The following ANKRD33B variants were observed in gnomAD, a reference collection of about 807,000 sequenced individuals.
The protein encoded by ANKRD33B is ankyrin repeat domain-containing protein 33B.
A neutral mutation model predicts 21.5 loss-of-function variants in ANKRD33B; 6 were observed. The observed-to-expected ratio is 0.28, with a 90% CI of 0.15 to 0.55. ANKRD33B has a LOEUF of 0.55. Among genes scored for constraint, ANKRD33B ranks in the 20% least tolerant of loss-of-function variants. The pLI is 0.94. For missense variants in ANKRD33B, 698 were observed against 747.2 expected (o/e 0.93, Z 0.77); for synonymous variants, 347 against 342.4 (o/e 1.01, Z -0.15).
intron 1 of ANKRD33B, among the ~76,000 whole-genome samples, chr5:10,593,046 C>G (rs1735730563): frequency 1.3e-5 from 2 of 152,150 alleles, no homozygotes; most frequent in South Asian, 4.1e-4. Context: ...TCCCACCACC[C>G]CGTATCCACC....
chr5:10,576,304 A>G lies in ANKRD33B; in HGVS notation c.366+11471A>G, dbSNP rs1209830670. Among the ~76,000 whole-genome samples the G allele has an allele frequency of 1.3e-5, 2 of 152,232 alleles. No individual in the cohort carries two copies. Among genetic ancestry groups the G allele is most frequent in the Non-Finnish European group, 2.9e-5 (2 of 68,048 alleles). On this transcript the variant is annotated intron_variant, in intron 1 of 3. Transcript: ENST00000296657. The surrounding 1 kb of genome is among the most constrained non-coding windows in gnomAD (Gnocchi z 4.1). Reference sequence around the variant, plus strand: ...GGACTCACTGGAAATATTGGGCAACAGAACCTGGCTGCCTTCACTGTGGTT... The same window carrying G: ...GGACTCACTGGAAATATTGGGCAACGGAACCTGGCTGCCTTCACTGTGGTT...
chr5:10,610,003 C>T (rs1736130057), intron 1 of ANKRD33B, among the ~76,000 whole-genome samples: 2 of 152,204 alleles, frequency 1.3e-5, no homozygotes, highest in African/African-American at 4.8e-5. Flanking sequence ...TAATTAAATC[C>T]TTCACCAAAG....
intron 1 of ANKRD33B, among the ~76,000 whole-genome samples, chr5:10,601,310 C>T (rs1352841610): frequency 6.6e-6 from 1 of 152,214 alleles, no homozygotes. Flanking sequence ...GCCTCCTCAG[C>T]CCTCGTGGAA....
At chr5:10,572,240 C>T (rs897929474) in intron 1 of ANKRD33B, among the ~76,000 whole-genome samples, 2 of 152,164 alleles carry the variant, frequency 1.3e-5, no homozygotes, top group African/African-American at 4.8e-5. Flanking sequence ...GTGCAGCCAA[C>T]ACTGACAATC....
intron 1 of ANKRD33B, among the ~76,000 whole-genome samples, chr5:10,572,916 A>C (rs562045398): frequency 6.6e-6 from 1 of 152,194 alleles, no homozygotes; most frequent in Admixed American, 6.5e-5. Context: ...TTCATTCTTC[A>C]TTCCCATCTG....
intron 1 of ANKRD33B, among the ~76,000 whole-genome samples, chr5:10,599,165 G>A (rs763039581): frequency 4.6e-5 from 7 of 152,040 alleles, no homozygotes; most frequent in Admixed American, 2.6e-4. Context: ...CACAGTGTGC[G>A]CTCTGGTGCC....
chr5:10,604,418 C>G (rs1354307314), intron 1 of ANKRD33B, among the ~76,000 whole-genome samples: 3 of 150,532 alleles, frequency 2.0e-5, no homozygotes, highest in Non-Finnish European at 4.4e-5. Flanking sequence ...GTCTCGATCC[C>G]CTGACCTCAA....
intron 1 of ANKRD33B, among the ~76,000 whole-genome samples, chr5:10,565,713 A>C (rs1478215674): frequency 6.6e-6 from 1 of 152,286 alleles, no homozygotes; most frequent in African/African-American, 2.4e-5. Context: ...CCTTCCACCA[A>C]GCAAAGCACT....
At chr5:10,579,341 T>C (rs1167886077) in intron 1 of ANKRD33B, among the ~76,000 whole-genome samples, 1 of 147,588 alleles carries the variant, frequency 6.8e-6, no homozygotes, top group Non-Finnish European at 1.5e-5. Flanking sequence ...CCAAGAAGCC[T>C]GCTAAGTAAT....
chr5:10,584,600 T>C (rs909792632), intron 1 of ANKRD33B, among the ~76,000 whole-genome samples: 3 of 152,250 alleles, frequency 2.0e-5, no homozygotes, highest in African/African-American at 2.4e-5. Flanking sequence ...TAAATAAGCC[T>C]CTTGATTCAG....
chr5:10,631,412 C>T (rs1393901192), intron 2 of ANKRD33B, among the ~76,000 whole-genome samples: 2 of 152,190 alleles, frequency 1.3e-5, no homozygotes, highest in Non-Finnish European at 2.9e-5. Context: ...AAGCCTCCTT[C>T]AGCAAGAGGA....
Position 10,564,471 on chromosome 5 carries a change from G to A in ANKRD33B, c.4G>A (p.Val2Met). Residue 2 changes from valine (V) to methionine (M), a missense_variant, in exon 1 of 4, where the codon GTG becomes ATG. Physicochemically the swap from Val to Met is conservative, Grantham distance 21. Around this residue, in one of 3 missense-constraint regions of ANKRD33B, gnomAD observed 148 missense variants for 154.9 expected, o/e 0.96. Coordinates refer to ENST00000296657, the MANE Select transcript of ANKRD33B (RefSeq NM_001164440.2). ...GGCCCGCGCCCCGGCCGCCGGCATG[G>A]TGCTGCTGGCCGGGACCGGGCCGGA... M[V>M]LLAGTGPEGG... The A allele has an allele frequency of 1.4e-6, 2 of 1,384,302 alleles. No homozygotes were observed. The highest frequency in any genetic ancestry group is 1.9e-6 in the Non-Finnish European group (2 of 1,059,366). 85.8% of individuals were successfully genotyped at this position (1,384,302 alleles called of 1,614,324 possible).
intron 1 of ANKRD33B, among the ~76,000 whole-genome samples, chr5:10,577,091 TCCCTTCCCCTTCCCCTTTCCCTTC>T (rs1304817405): frequency 7.3e-5 from 11 of 151,106 alleles, no homozygotes; most frequent in African/African-American, 2.4e-4. Flanking sequence ...CCTTTCCCTT[TCCCTTCCCCTTCCCCTTTCCCTTC>T]CCCTTCCCCT....
At position 10,564,638 on chromosome 5, in the gene ANKRD33B, T is replaced by C. The variant is rs1414172381; in HGVS notation, c.171T>C (p.Ser57=). The C allele has an allele frequency of 1.3e-6, 2 of 1,534,936 alleles. No individual in the cohort carries two copies. Among genetic ancestry groups the C allele is most frequent in the African/African-American group, 1.4e-5 (1 of 72,988 alleles). Residue 57 remains serine (S), a synonymous_variant, in exon 1 of 4, where the codon TCT becomes TCC. Coordinates refer to ENST00000296657, the MANE Select transcript of ANKRD33B (RefSeq NM_001164440.2). Reference sequence around the variant, plus strand: ...CCCGCAGCATCGCCTCGGACGACTCTTTCTACCCTTTCGAGGACGAGGAGG... The same window carrying C: ...CCCGCAGCATCGCCTCGGACGACTCCTTCTACCCTTTCGAGGACGAGGAGG... ...PDTRSIASDD[S]FYPFEDEEEH... is the part of the protein sequence containing the mutation.
chr5:10,642,428 T>C (rs1333451395), intron 3 of ANKRD33B, among the ~76,000 whole-genome samples: 24 of 152,192 alleles, frequency 1.6e-4, no homozygotes. Context: ...GATCCTCTAG[T>C]GAGTCTCTCC....
intron 3 of ANKRD33B, among the ~76,000 whole-genome samples, chr5:10,639,958 GGTGATGTTA>G (rs1736993425): frequency 1.7e-5 from 1 of 59,644 alleles, no homozygotes; most frequent in Non-Finnish European, 4.1e-5. Flanking sequence ...GGAGTTGCGC[GGTGATGTTA>G]GCGGGTGACG....
Position 10,649,726 on chromosome 5 carries a change from G to A in ANKRD33B, c.1098G>A (p.Gly366=), listed in dbSNP as rs1222246926. The A allele has an allele frequency of 2.7e-6, 4 of 1,490,344 alleles. No individual in the cohort carries two copies. In the African/African-American group the frequency reaches 4.2e-5, roughly 16 times the overall value. The allele number at this position is 1,490,344 out of a possible 1,614,324, so 92.3% of individuals were successfully genotyped here. ...AQEEDEVGGA[G]QRGRTGQEDA... ...AGGAGGATGAGGTGGGGGGCGCGGGGCAGCGCGGGCGGACCGGACAGGAGG... is the reference window on the plus strand; with the variant it reads ...AGGAGGATGAGGTGGGGGGCGCGGGACAGCGCGGGCGGACCGGACAGGAGG... Residue 366 remains glycine (G), a synonymous_variant, in exon 4 of 4, where the codon GGG becomes GGA. Coordinates refer to ENST00000296657, the MANE Select transcript of ANKRD33B (RefSeq NM_001164440.2).
chr5:10,601,153 G>T (rs1247539754), intron 1 of ANKRD33B, among the ~76,000 whole-genome samples: 1 of 152,054 alleles, frequency 6.6e-6, no homozygotes, highest in African/African-American at 2.4e-5. Flanking sequence ...TATATTTAAA[G>T]AATATTTTGA....
At chr5:10,623,537 C>T (rs1482017105) in intron 2 of ANKRD33B, among the ~76,000 whole-genome samples, 1 of 152,230 alleles carries the variant, frequency 6.6e-6, no homozygotes, top group East Asian at 1.9e-4. Context: ...ACCTAATCAC[C>T]TCCGAAAGCC....
Sources: allele counts gnomAD v4.1 joint callset (sites outside exome capture counted in the v4.1 genomes callset), GRCh38; gene constraint gnomAD v4.1.1; regional missense constraint gnomAD v4.1.1; non-coding constraint Gnocchi (gnomAD v3.1); transcripts MANE v1.5; gene names NCBI Gene and HGNC (gene_info 2026-07-23, HGNC 2026-07-21).